The following FAM13A variants were observed in gnomAD, a reference collection of about 807,000 sequenced individuals.
FAM13A encodes the protein protein FAM13A.
A neutral mutation model predicts 129.6 loss-of-function variants in FAM13A; 76 were observed. The ratio of observed to expected loss-of-function variants is 0.59; its 90% CI spans 0.49 to 0.71. The LOEUF (loss-of-function observed/expected upper bound fraction) is 0.71, where lower values mean the gene tolerates loss of function less well. Among genes scored for constraint, FAM13A ranks in the 30% least tolerant of loss-of-function variants. The pLI is 0.00. For synonymous variants in FAM13A, 443 were observed against 449.9 expected (o/e 0.98, Z 0.20); for missense variants, 1,108 against 1,249.3 (o/e 0.89, Z 1.70).
At chr4:88,802,309 T>C (rs1727627884) in intron 8 of FAM13A, among the ~76,000 whole-genome samples, 1 of 152,208 alleles carries the variant, frequency 6.6e-6, no homozygotes, top group Non-Finnish European at 1.5e-5. Flanking sequence ...CACCTACTGT[T>C]TGAGCTCCTA....
At chr4:88,787,693 G>A (rs1212662863) in intron 10 of FAM13A, 60 bp downstream of exon 10, 1 of 1,507,220 alleles carries the variant, frequency 6.6e-7, no homozygotes, top group Non-Finnish European at 9.1e-7. Context: ...ACTAATTTGG[G>A]TGTATATTTC....
chr4:88,999,268 G>A (rs1763942914), intron 3 of FAM13A, among the ~76,000 whole-genome samples: 1 of 152,132 alleles, frequency 6.6e-6, no homozygotes, highest in South Asian at 2.1e-4. Context: ...CTGAATGCTT[G>A]TCAGTCGGGA....
At chr4:88,984,361 T>C (rs535789935) in intron 4 of FAM13A, among the ~76,000 whole-genome samples, 96 of 151,644 alleles carry the variant, frequency 6.3e-4, no homozygotes, top group Non-Finnish European at 1.1e-3. Context: ...AGGCAACTTA[T>C]AGAATAGAAG....
At chr4:88,988,119 A>G (rs2149010002) in intron 4 of FAM13A, among the ~76,000 whole-genome samples, 1 of 152,298 alleles carries the variant, frequency 6.6e-6, no homozygotes, top group African/African-American at 2.4e-5. Flanking sequence ...CATCCTGCAC[A>G]TGTATCCAGG....
chr4:88,735,146 A>C (rs1260883100), intron 21 of FAM13A, among the ~76,000 whole-genome samples: 1 of 152,130 alleles, frequency 6.6e-6, no homozygotes, highest in African/African-American at 2.4e-5. Context: ...GGTGACTGTA[A>C]ATACAGGCAG....
chr4:88,939,463 T>C (rs1435850360), intron 4 of FAM13A, among the ~76,000 whole-genome samples: 1 of 152,192 alleles, frequency 6.6e-6, no homozygotes, highest in African/African-American at 2.4e-5. Context: ...ATAATCCTTA[T>C]ATCTCAAGAT....
intron 6 of FAM13A, among the ~76,000 whole-genome samples, chr4:88,894,683 G>A (rs771864095): frequency 9.2e-5 from 14 of 152,056 alleles, no homozygotes; most frequent in African/African-American, 2.4e-4. Context: ...CACCATGGCC[G>A]GCTAATTTTT....
chr4:89,024,891 G>T (rs1008657186), intron 2 of FAM13A, among the ~76,000 whole-genome samples: 3 of 152,032 alleles, frequency 2.0e-5, no homozygotes, highest in African/African-American at 7.3e-5. Flanking sequence ...ATGAGGTGTG[G>T]GCAATGCATG....
At chr4:88,918,378 T>C (rs1750445200) in intron 5 of FAM13A, among the ~76,000 whole-genome samples, 1 of 152,202 alleles carries the variant, frequency 6.6e-6, no homozygotes, top group African/African-American at 2.4e-5. Flanking sequence ...TGCTTTATTA[T>C]CCAAATTTCA....
intron 1 of FAM13A, among the ~76,000 whole-genome samples, chr4:89,051,675 G>A (rs1166775018): frequency 2.0e-5 from 3 of 152,158 alleles, no homozygotes; most frequent in African/African-American, 4.8e-5. Context: ...CTCTAGCTGT[G>A]AGCCTGTGAA....
At chr4:88,888,432 C>T (rs978757586) in intron 6 of FAM13A, among the ~76,000 whole-genome samples, 1 of 152,162 alleles carries the variant, frequency 6.6e-6, no homozygotes, top group Admixed American at 6.5e-5. Flanking sequence ...GACAATGCTA[C>T]TTTGGGTATT....
intron 5 of FAM13A, among the ~76,000 whole-genome samples, chr4:88,928,229 A>C (rs1318685083): frequency 6.6e-6 from 1 of 152,126 alleles, no homozygotes; most frequent in Non-Finnish European, 1.5e-5. Flanking sequence ...TTAAAAATTT[A>C]TAAAGACTTG....
At chr4:88,799,959 A>T (rs1035986795) in intron 8 of FAM13A, among the ~76,000 whole-genome samples, 3 of 152,246 alleles carry the variant, frequency 2.0e-5, no homozygotes, top group African/African-American at 7.2e-5. Flanking sequence ...ATAGATGGAA[A>T]TATTATTCAG....
At chr4:88,882,986 C>A (rs1188117615) in intron 6 of FAM13A, among the ~76,000 whole-genome samples, 1 of 152,028 alleles carries the variant, frequency 6.6e-6, no homozygotes, top group Non-Finnish European at 1.5e-5. Context: ...ATAAATGTAT[C>A]TACCACTGGA....
Position 88,781,170 on chromosome 4 carries a change from G to T in FAM13A, c.1453C>A (p.Leu485Ile). 6.2e-7 allele frequency: 1 copy of T among 1,604,360 alleles called. No individual in the cohort carries two copies. The highest frequency in any genetic ancestry group is 1.1e-5 in the South Asian group (1 of 89,710). The change falls in exon 11 of 24, where the codon CTT becomes ATT. Residue 485 changes from leucine (L) to isoleucine (I), a missense_variant. Around this residue, in one of 3 missense-constraint regions of FAM13A, gnomAD observed 566 missense variants for 595.7 expected, o/e 0.95. Coordinates refer to ENST00000264344, the MANE Select transcript of FAM13A (RefSeq NM_014883.4). ...LSELHDNQDGLVNMESLNSTR... is the reference protein window; with the variant it reads ...LSELHDNQDGIVNMESLNSTR... Reference sequence around the variant, plus strand: ...TTATAGACGTATTCACTTACCACAAGACCGTCCTGATTGTCATGAAGCTCA... The same window carrying T: ...TTATAGACGTATTCACTTACCACAATACCGTCCTGATTGTCATGAAGCTCA...
intron 15 of FAM13A, among the ~76,000 whole-genome samples, chr4:88,750,169 G>A (rs922094347): frequency 2.0e-5 from 3 of 152,088 alleles, no homozygotes; most frequent in East Asian, 1.9e-4. Flanking sequence ...CCTTTCCTGT[G>A]GGCCTACAAG....
intron 6 of FAM13A, among the ~76,000 whole-genome samples, chr4:88,888,678 A>G (rs1454831267): frequency 6.6e-6 from 1 of 151,804 alleles, no homozygotes; most frequent in Non-Finnish European, 1.5e-5. Context: ...GTAATCCCAG[A>G]ATTTTGGGAG....
At chr4:88,729,388 T>C (rs1050638310) in intron 23 of FAM13A, 1 of 152,232 alleles carries the variant, frequency 6.6e-6, no homozygotes, top group Non-Finnish European at 1.5e-5. Flanking sequence ...GCGCTGCTGC[T>C]TTGTGTTTTA....
intron 6 of FAM13A, among the ~76,000 whole-genome samples, chr4:88,879,067 C>T (rs1286305246): frequency 2.0e-5 from 3 of 152,144 alleles, no homozygotes; most frequent in African/African-American, 7.2e-5. Flanking sequence ...AAGTTGTGTG[C>T]AATCAGACAC....
Sources: gnomAD v4.1 joint callset for allele counts (sites outside exome capture counted in the v4.1 genomes callset) on GRCh38, gnomAD v4.1.1 for gene constraint, gnomAD v4.1.1 regional missense constraint, MANE v1.5 for transcripts, NCBI Gene and HGNC (gene_info 2026-07-23, HGNC 2026-07-21) for gene names.